The following TXNL1 variants were observed in gnomAD, a reference collection of about 807,000 sequenced individuals.
TXNL1 encodes thioredoxin like 1, also known as thioredoxin-like protein 1.
In TXNL1, 14 loss-of-function variants were observed where a neutral mutation model predicts 35.5. The ratio of observed to expected loss-of-function variants is 0.39; its 90% CI spans 0.26 to 0.62. The LOEUF is 0.62. TXNL1 is among the 20% of genes least tolerant of loss of function. The pLI is 0.47. For synonymous variants in TXNL1, 110 were observed against 115.5 expected, an observed-to-expected ratio of 0.95 and a Z score of 0.31; for missense variants, 263 against 349.7, an observed-to-expected ratio of 0.75 and a Z score of 1.98.
intron 1 of TXNL1, among the ~76,000 whole-genome samples, chr18:56,634,151 G>A (rs2144340096): frequency 6.6e-6 from 1 of 152,174 alleles, no homozygotes; most frequent in East Asian, 1.9e-4. Context: ...GTAACAATTT[G>A]GAGACACTGT....
intron 6 of TXNL1, among the ~76,000 whole-genome samples, chr18:56,611,927 CA>C (rs2023999973): frequency 2.7e-5 from 4 of 150,386 alleles, no homozygotes; most frequent in Admixed American, 6.6e-5. Context: ...CAGCTCACTG[CA>C]ACCTCCACCT....
chr18:56,638,558 T>C lies in TXNL1; in HGVS notation c.-118A>G. 1.1e-6 allele frequency: 1 copy of C among 881,860 alleles called. No individual in the cohort carries two copies. The highest frequency in any genetic ancestry group is 1.8e-5 in the South Asian group (1 of 56,682). The allele number at this position is 881,860 out of a possible 1,614,324, so 54.6% of individuals were successfully genotyped here. On this transcript the variant is annotated 5_prime_UTR_variant, in exon 1 of 8. Transcript: ENST00000217515. Reference sequence around the variant, plus strand: ...AAGGCCGAGGCCTGGACAGAAGAGGTGGCGACCGCCGAGTCTTCTCCCGGG... The same window carrying C: ...AAGGCCGAGGCCTGGACAGAAGAGGCGGCGACCGCCGAGTCTTCTCCCGGG...
At chr18:56,621,139 T>C (rs1016043370) in intron 3 of TXNL1, among the ~76,000 whole-genome samples, 2 of 151,828 alleles carry the variant, frequency 1.3e-5, no homozygotes, top group Non-Finnish European at 2.9e-5. Flanking sequence ...ATAAACTAAG[T>C]GGGTAAATTC....
At chr18:56,637,752 T>G (rs1468370373) in intron 1 of TXNL1, among the ~76,000 whole-genome samples, 2 of 152,062 alleles carry the variant, frequency 1.3e-5, no homozygotes, top group African/African-American at 4.8e-5. Context: ...AAGCTACAAG[T>G]TAGTGGCCGA....
rs555643168 is a variant in TXNL1 at position 56,632,217 on chromosome 18, C to T, written c.99-5760G>A. 2.6e-5 allele frequency among the ~76,000 whole-genome samples: 4 copies of T among 152,282 alleles called. No individual in the cohort carries two copies. The South Asian group carries it at 6.2e-4, about 24-fold the overall frequency. ...CTTCCCTTCAAGATAAGTGTCTTAT[C>T]TTGAGCAACAACTTGTGTCAATATA... is the stretch of plus-strand genomic sequence containing the variant. On this transcript the variant is annotated intron_variant, in intron 1 of 7. Transcript: ENST00000217515.
At chr18:56,616,192 T>A in intron 5 of TXNL1, 53 bp downstream of exon 5, 1 of 1,490,816 alleles carries the variant, frequency 6.7e-7, no homozygotes. Context: ...AATTTTATGC[T>A]AACAGTTCTA....
At chr18:56,626,107 G>A in intron 2 of TXNL1, 1 of 972,330 alleles carries the variant, frequency 1.0e-6, no homozygotes, top group Non-Finnish European at 1.3e-6. Context: ...GAACTGCTAG[G>A]TGACCTATTA....
chr18:56,621,204 ATTTT>A (rs34382500), intron 3 of TXNL1, among the ~76,000 whole-genome samples: 29 of 126,194 alleles, frequency 2.3e-4, no homozygotes, highest in South Asian at 2.5e-4. Context: ...ATATATATGT[ATTTT>A]TTTTTTTTTT....
chr18:56,609,779 T>C (rs2023961529), intron 7 of TXNL1: 1 of 152,238 alleles, frequency 6.6e-6, no homozygotes, highest in South Asian at 2.1e-4. Context: ...GCTTAATCTC[T>C]GCTTCTTCTG....
intron 7 of TXNL1, chr18:56,609,710 GTC>G (rs745454426): frequency 5.9e-5 from 9 of 152,180 alleles, no homozygotes; most frequent in Non-Finnish European, 1.2e-4. Context: ...CAGCCAAGAC[GTC>G]TTTGTTGCTC....
intron 1 of TXNL1, among the ~76,000 whole-genome samples, chr18:56,634,174 C>T (rs1213154566): frequency 6.6e-6 from 1 of 151,624 alleles, no homozygotes; most frequent in Non-Finnish European, 1.5e-5. Flanking sequence ...AAAAATATTA[C>T]CAAAAAGAAT....
chr18:56,611,589 C>T (rs2023992697), intron 6 of TXNL1, among the ~76,000 whole-genome samples: 1 of 151,976 alleles, frequency 6.6e-6, no homozygotes, highest in Non-Finnish European at 1.5e-5. Context: ...GGGCTGTTTG[C>T]CCTGCTATTC....
intron 3 of TXNL1, among the ~76,000 whole-genome samples, chr18:56,623,066 T>C (rs2024216107): frequency 6.6e-6 from 1 of 152,146 alleles, no homozygotes; most frequent in African/African-American, 2.4e-5. Context: ...GAATTTAGAC[T>C]TACAGGGAGG....
At position 56,599,065 on chromosome 18, in the gene TXNL1, T is replaced by C. The variant is rs969647203; in HGVS notation, c.*3962A>G. ...TAGCAAGCACGAAGGAAAAATACTC[T>C]AGCAGTTTTAACATTGCATATCCTT... On this transcript the variant is annotated 3_prime_UTR_variant, in exon 8 of 8. Transcript: ENST00000217515. 3.9e-5 allele frequency: 6 copies of C among 152,206 alleles called. No homozygotes were observed. Among genetic ancestry groups the C allele is most frequent in the South Asian group, 2.1e-4 (1 of 4,834 alleles). 9.4% of individuals were successfully genotyped at this position (152,206 alleles called of 1,614,324 possible).
intron 4 of TXNL1, among the ~76,000 whole-genome samples, chr18:56,617,116 A>G (rs189927288): frequency 3.3e-5 from 5 of 152,196 alleles, no homozygotes; most frequent in African/African-American, 9.6e-5. Flanking sequence ...GCTGAAAAAC[A>G]TGGTGGCTCT....
intron 1 of TXNL1, among the ~76,000 whole-genome samples, chr18:56,630,635 T>G (rs1329364390): frequency 6.6e-6 from 1 of 152,158 alleles, no homozygotes; most frequent in African/African-American, 2.4e-5. Context: ...CATCAATTAT[T>G]TACGAGCTAA....
At position 56,638,444 on chromosome 18, in the gene TXNL1, C is replaced by T. The variant is rs1272735535; in HGVS notation, c.-4G>A. On this transcript the variant is annotated 5_prime_UTR_variant, in exon 1 of 8. Coordinates refer to ENST00000217515, the MANE Select transcript of TXNL1 (RefSeq NM_004786.3). ...CGACGGGCTTCACCCCCACCATCCT[C>T]ACAGAGAGCCCGGCAGGGTGGCCGC... The T allele has an allele frequency of 6.2e-7, 1 of 1,610,876 alleles. No homozygotes were observed. The highest frequency in any genetic ancestry group is 1.7e-5 in the Admixed American group (1 of 59,836).
chr18:56,615,390 GAAAAAAAAA>G (rs5825192), intron 5 of TXNL1, among the ~76,000 whole-genome samples: 1 of 121,666 alleles, frequency 8.2e-6, no homozygotes, highest in Non-Finnish European at 1.6e-5. Flanking sequence ...CCAATCAATC[GAAAAAAAAA>G]AAAAAAATCA....
intron 7 of TXNL1, 50 bp from the exon 8 acceptor site, chr18:56,603,106 T>C: frequency 6.8e-7 from 1 of 1,460,802 alleles, no homozygotes; most frequent in Non-Finnish European, 9.5e-7. Context: ...ATTTTAAATA[T>C]GAGTTATTAA....
Sources: allele counts gnomAD v4.1 joint callset (sites outside exome capture counted in the v4.1 genomes callset), GRCh38; gene constraint gnomAD v4.1.1; transcripts MANE v1.5; gene names NCBI Gene and HGNC (gene_info 2026-07-23, HGNC 2026-07-21).